Variants in ZNF610 observed in about 807,000 individuals in gnomAD.
The protein encoded by ZNF610 is zinc finger protein 610, also known as zink finger protein.
In ZNF610, 14 loss-of-function variants were observed where a neutral mutation model predicts 14.1. That is an observed-to-expected ratio of 0.99 (90% CI 0.65 to 1.55). The LOEUF is 1.55. ZNF610 is among the 40% of genes most tolerant of loss of function. The probability of loss-of-function intolerance (pLI) is 0.00; values close to 1 mark genes in which losing one functional copy is unlikely to be tolerated. For synonymous variants in ZNF610, 185 were observed against 187.6 expected (o/e 0.99, Z 0.11); for missense variants, 530 against 558.0 (o/e 0.95, Z 0.51).
At chr19:52,330,940 A>T in the ZNF610 span, among the ~76,000 whole-genome samples, 2 of 152,364 alleles carry the variant, frequency 1.3e-5, no homozygotes, top group Admixed American at 1.3e-4. Context: ...TACATGAATG[A>T]TTAAATAAAT....
chr19:52,342,315 C>T (rs1032261942), intron 1 of ZNF610, among the ~76,000 whole-genome samples: 1 of 152,052 alleles, frequency 6.6e-6, no homozygotes, highest in Admixed American at 6.6e-5. Flanking sequence ...ATATTAACTA[C>T]ATTTCTTCCT....
intron 5 of ZNF610, among the ~76,000 whole-genome samples, chr19:52,361,258 A>G (rs1985760703): frequency 6.7e-6 from 1 of 150,098 alleles, no homozygotes; most frequent in Non-Finnish European, 1.5e-5. Flanking sequence ...GGCTCACTGC[A>G]ACCTCCGCCT....
In ZNF610 at chr19:52,366,934, A is replaced by G. The variant is rs934770949; in HGVS notation, c.*167A>G. 5.1e-6 allele frequency: 3 copies of G among 587,494 alleles called. No individual in the cohort carries two copies. The African/African-American group carries it at 5.6e-5, about 11-fold the overall frequency. 36.4% of individuals were successfully genotyped at this position (587,494 alleles called of 1,614,324 possible). A position where few individuals can be genotyped will look rare whatever the true frequency, so the allele number is the denominator to read the frequency against. The stretch of plus-strand genomic sequence containing the variant: ...AGGAAACCCTACAAATGTAAAGTTA[A>G]TAACATATATAAATAATCTATAAAG... On this transcript the variant is annotated 3_prime_UTR_variant, in exon 6 of 6. Coordinates refer to ENST00000403906, the MANE Select transcript of ZNF610 (RefSeq NM_001161425.2).
chr19:52,333,414 C>G (rs149059470), upstream of ZNF610, among the ~76,000 whole-genome samples: 163 of 152,310 alleles, frequency 1.1e-3, 2 homozygotes, highest in African/African-American at 3.8e-3. Flanking sequence ...TAAGAAAGTA[C>G]AACATGGCTG....
upstream of ZNF610, among the ~76,000 whole-genome samples, chr19:52,334,936 A>AACACACACACACACACAC (rs559202600): frequency 0.033 from 1,371 of 41,600 alleles, 35 homozygotes; most frequent in African/African-American, 0.12. Flanking sequence ...CTCAAAAACA[A>AACACACACACACACACAC]ACACACACAC....
upstream of ZNF610, among the ~76,000 whole-genome samples, chr19:52,334,959 A>ACGC (rs60779202): frequency 2.0e-5 from 3 of 146,650 alleles, no homozygotes; most frequent in Non-Finnish European, 3.0e-5. Context: ...ACACACACAC[A>ACGC]ATGTAATTTA....
Position 52,347,730 on chromosome 19 carries a change from C to T in ZNF610, c.-234C>T, listed in dbSNP as rs1053528351. The stretch of plus-strand genomic sequence containing the variant: ...AGACACAGGAGTGTTGCCATGTTGT[C>T]CAAACTGGTCTCGAAATTCTGGAGT... On this transcript the variant is annotated 5_prime_UTR_variant, in exon 2 of 6. Coordinates refer to ENST00000403906, the MANE Select transcript of ZNF610 (RefSeq NM_001161425.2). 6.6e-6 allele frequency: 1 copy of T among 152,086 alleles called. No homozygotes were observed. Among genetic ancestry groups the T allele is most frequent in the African/African-American group, 2.4e-5 (1 of 41,406 alleles). 9.4% of individuals were successfully genotyped at this position (152,086 alleles called of 1,614,324 possible). A position where few individuals can be genotyped will look rare whatever the true frequency, so the allele number is the denominator to read the frequency against.
chr19:52,345,420 A>G (rs1292800709), intron 1 of ZNF610: 1 of 152,180 alleles, frequency 6.6e-6, no homozygotes. Context: ...ACGAACCTAG[A>G]TCGTTGCCAG....
chr19:52,354,580 A>ATTTTTTTTTTTT (rs201439857), intron 5 of ZNF610, among the ~76,000 whole-genome samples: 1 of 123,588 alleles, frequency 8.1e-6, no homozygotes. Context: ...AAGCCATACT[A>ATTTTTTTTTTTT]TTTTTTTTTT....
intron 3 of ZNF610, among the ~76,000 whole-genome samples, chr19:52,352,646 C>T (rs1489511047): frequency 6.6e-6 from 1 of 152,098 alleles, no homozygotes; most frequent in African/African-American, 2.4e-5. Context: ...CTTTTTCCTG[C>T]CTCCTACCCC....
Position 52,365,868 on chromosome 19 carries a change from C to T in ZNF610, c.490C>T (p.Leu164Phe), listed in dbSNP as rs2070767279. 6.2e-7 allele frequency: 1 copy of T among 1,612,732 alleles called. No individual in the cohort carries two copies. The highest frequency in any genetic ancestry group is 8.5e-7 in the Non-Finnish European group (1 of 1,179,738). ...FTNHRSSVSP[L>F]QKISSSFTTH... ...AAACCATCGTTCCTCAGTTTCACCA[C>T]TTCAAAAAATTTCTTCTAGTTTCAC... The change falls in exon 6 of 6, where the codon CTT becomes TTT. Residue 164 changes from leucine to phenylalanine, a missense_variant. By Grantham distance (22) the Leu-to-Phe change is conservative (BLOSUM62 0). Transcript: ENST00000403906.
At chr19:52,361,712 G>A (rs1232398971) in intron 5 of ZNF610, among the ~76,000 whole-genome samples, 1 of 151,708 alleles carries the variant, frequency 6.6e-6, no homozygotes, top group Non-Finnish European at 1.5e-5. Context: ...CTCCCGCCTT[G>A]CCCTCCCAAA....
At chr19:52,356,457 A>C (rs1456775626) in intron 5 of ZNF610, among the ~76,000 whole-genome samples, 1 of 152,206 alleles carries the variant, frequency 6.6e-6, no homozygotes, top group East Asian at 1.9e-4. Context: ...TTGTATATTT[A>C]GTCAGCAGTT....
chr19:52,337,728 T>C (rs561504710), intron 1 of ZNF610, among the ~76,000 whole-genome samples: 70 of 152,280 alleles, frequency 4.6e-4, no homozygotes, highest in Non-Finnish European at 8.4e-4. Flanking sequence ...ATATACTGAT[T>C]TCTCTAATTG....
intron 1 of ZNF610, among the ~76,000 whole-genome samples, chr19:52,340,782 G>C (rs1984653422): frequency 6.6e-6 from 1 of 152,114 alleles, no homozygotes; most frequent in Non-Finnish European, 1.5e-5. Flanking sequence ...CCGGGTTCAA[G>C]CGATTCTCCT....
intron 1 of ZNF610, among the ~76,000 whole-genome samples, chr19:52,346,121 C>T (rs992684907): frequency 1.3e-5 from 2 of 151,522 alleles, no homozygotes; most frequent in African/African-American, 4.9e-5. Flanking sequence ...GCCTCAGCCT[C>T]CTGAGTAGCT....
intron 5 of ZNF610, among the ~76,000 whole-genome samples, chr19:52,359,876 C>A (rs377231609): frequency 6.6e-5 from 10 of 152,250 alleles, no homozygotes; most frequent in African/African-American, 2.4e-4. Flanking sequence ...TTCTGTGGCC[C>A]CTCTTTGGGC....
At chr19:52,357,817 T>A (rs1985604002) in intron 5 of ZNF610, among the ~76,000 whole-genome samples, 1 of 151,990 alleles carries the variant, frequency 6.6e-6, no homozygotes, top group Non-Finnish European at 1.5e-5. Context: ...AAGACCTTAT[T>A]CCAAATAGAT....
chr19:52,343,843 A>G (rs1443260093), intron 1 of ZNF610, among the ~76,000 whole-genome samples: 1 of 152,104 alleles, frequency 6.6e-6, no homozygotes, highest in Non-Finnish European at 1.5e-5. Flanking sequence ...GTCTTCAGAG[A>G]GGCCCCTGAC....
Sources: allele counts gnomAD v4.1 joint callset (sites outside exome capture counted in the v4.1 genomes callset), GRCh38; gene constraint gnomAD v4.1.1; transcripts MANE v1.5; gene names NCBI Gene and HGNC (gene_info 2026-07-23, HGNC 2026-07-21).